The following TMEM39A variants were observed in gnomAD, a reference collection of about 807,000 sequenced individuals.
The protein encoded by TMEM39A is transmembrane protein 39A.
In TMEM39A, 19 loss-of-function variants were observed where a neutral mutation model predicts 51.9. The ratio of observed to expected loss-of-function variants is 0.37; its 90% confidence interval spans 0.26 to 0.54. TMEM39A has a LOEUF of 0.54. Ranked by LOEUF, TMEM39A falls within the 20% of genes least tolerant of loss-of-function variation. The pLI is 0.88. For missense variants in TMEM39A, 433 were observed against 590.5 expected, an observed-to-expected ratio of 0.73 and a Z score of 2.76; for synonymous variants, 197 against 220.2, an observed-to-expected ratio of 0.89 and a Z score of 0.93.
intron 3 of TMEM39A, among the ~76,000 whole-genome samples, chr3:119,454,548 T>G (rs906501433): frequency 6.6e-6 from 1 of 152,182 alleles, no homozygotes; most frequent in African/African-American, 2.4e-5. Flanking sequence ...TCCCAGTAAT[T>G]TGGGAGGCCA....
intron 5 of TMEM39A, among the ~76,000 whole-genome samples, chr3:119,443,001 TG>T (rs2081075399): frequency 6.9e-6 from 1 of 145,638 alleles, no homozygotes; most frequent in South Asian, 2.1e-4. Flanking sequence ...AGGAGACAGA[TG>T]TTGCAGTGAG....
At chr3:119,436,555 C>A in intron 7 of TMEM39A, 2 of 387,548 alleles carry the variant, frequency 5.2e-6, no homozygotes, top group Non-Finnish European at 4.7e-6. Context: ...AGACAAATTA[C>A]ACACACTAGA....
intron 3 of TMEM39A, among the ~76,000 whole-genome samples, chr3:119,456,833 T>C (rs1045129924): frequency 1.3e-5 from 2 of 152,214 alleles, no homozygotes; most frequent in Admixed American, 1.3e-4. Context: ...CTCAAATTCC[T>C]GGGCTCAAGC....
intron 7 of TMEM39A, chr3:119,435,432 C>CAA: frequency 1.0e-6 from 1 of 983,420 alleles, no homozygotes; most frequent in Non-Finnish European, 1.2e-6. Flanking sequence ...ATACATCTCA[C>CAA]ACACACACAC....
At chr3:119,462,393 T>C (rs2081350042) in intron 1 of TMEM39A, among the ~76,000 whole-genome samples, 1 of 152,186 alleles carries the variant, frequency 6.6e-6, no homozygotes, top group South Asian at 2.1e-4. Context: ...TGTCAACTGA[T>C]TTGTATCATC....
chr3:119,435,999 G>C (rs2080963426), intron 7 of TMEM39A: 10 of 1,197,586 alleles, frequency 8.4e-6, no homozygotes, highest in Non-Finnish European at 1.1e-5. Flanking sequence ...GAAAGGGAAG[G>C]TCACCTCAAT....
chr3:119,429,867 CAG>C lies in TMEM39A; in HGVS notation c.*2112_*2113del. On this transcript the variant is annotated 3_prime_UTR_variant, in exon 9 of 9. Transcript: ENST00000319172. ...CTATTCCCTTAGGATAGGACCAAGA[CAG>C]ATCAAGCCAGAAGGGGCATCATATT... The C allele has an allele frequency of 6.6e-6, 1 of 152,240 alleles. No homozygotes were observed. The highest frequency in any genetic ancestry group is 2.1e-4 in the South Asian group (1 of 4,828). 9.4% of individuals were successfully genotyped at this position (152,240 alleles called of 1,614,324 possible). A position where few individuals can be genotyped will look rare whatever the true frequency, so the allele number is the denominator to read the frequency against.
intron 8 of TMEM39A, among the ~76,000 whole-genome samples, chr3:119,434,436 A>G (rs531023035): frequency 6.6e-6 from 1 of 152,310 alleles, no homozygotes; most frequent in Admixed American, 6.5e-5. Flanking sequence ...CCACTAAACC[A>G]AACTCTTACA....
In TMEM39A at chr3:119,435,018, T is replaced by A. The variant is rs140770947; in HGVS notation, c.1113-136A>T. 784 of 1,406,638 alleles carry A rather than the reference T, an allele frequency of 5.6e-4. 1 individual carries two copies. In the African/African-American group the frequency reaches 8.1e-3, roughly 14 times the overall value. The allele number at this position is 1,406,638 out of a possible 1,614,324, so 87.1% of individuals were successfully genotyped here. ...TGCCTGAATTCTGAAAATACAGTAA[T>A]TCCATGGTCAAACTGGAGTAGTTTT... On this transcript the variant is annotated intron_variant, in intron 7 of 8. Transcript: ENST00000319172.
intron 5 of TMEM39A, among the ~76,000 whole-genome samples, chr3:119,440,178 A>C (rs1657574689): frequency 6.6e-6 from 1 of 152,102 alleles, no homozygotes; most frequent in Non-Finnish European, 1.5e-5. Flanking sequence ...GTAGGTGTAG[A>C]GGTGGGGATA....
chr3:119,459,136 G>A (rs2081304256), intron 2 of TMEM39A, among the ~76,000 whole-genome samples: 1 of 152,154 alleles, frequency 6.6e-6, no homozygotes, highest in Admixed American at 6.5e-5. Flanking sequence ...GCTACTCTTA[G>A]GAAGGCCTGC....
intron 7 of TMEM39A, among the ~76,000 whole-genome samples, chr3:119,436,279 A>G (rs1396450273): frequency 6.6e-6 from 1 of 152,198 alleles, no homozygotes; most frequent in Non-Finnish European, 1.5e-5. Flanking sequence ...GCAGGGAAAT[A>G]TTCAGTAGAG....
intron 6 of TMEM39A, among the ~76,000 whole-genome samples, chr3:119,437,523 T>TAAAAAAAA (rs543556839): frequency 5.2e-5 from 5 of 96,588 alleles, no homozygotes; most frequent in Non-Finnish European, 9.0e-5. Flanking sequence ...TAAAAATACT[T>TAAAAAAAA]AAAAAAAAAA....
chr3:119,456,539 A>C (rs778322636), intron 3 of TMEM39A, among the ~76,000 whole-genome samples: 12 of 152,196 alleles, frequency 7.9e-5, no homozygotes. Flanking sequence ...TCTAATCTTT[A>C]TTAGTCCCAA....
At position 119,437,805 on chromosome 3, in the gene TMEM39A, A is replaced by T; in HGVS notation, c.874T>A (p.Ser292Thr). ...NHRIKEVLFN[S>T]LFSAYYVAFL... ...GCAACATAGTAGGCACTGAAGAGGG[A>T]GTTGAAGAGAACCTCCTTGATTCTG... The change falls in exon 6 of 9, where the codon TCC becomes ACC. Residue 292 changes from serine (S) to threonine (T), a missense_variant. Ser to Thr is a moderately conservative substitution (Grantham distance 58). Transcript: ENST00000319172. 1 of 1,595,256 alleles carries T rather than the reference A, an allele frequency of 6.3e-7. No individual in the cohort carries two copies. The highest frequency in any genetic ancestry group is 8.6e-7 in the Non-Finnish European group (1 of 1,165,768).
intron 5 of TMEM39A, among the ~76,000 whole-genome samples, chr3:119,443,383 C>G (rs1245455188): frequency 6.6e-6 from 1 of 152,258 alleles, no homozygotes; most frequent in East Asian, 1.9e-4. Flanking sequence ...GAAGTGTCAA[C>G]TGATGTGGCC....
chr3:119,443,235 A>C (rs1420116187), intron 5 of TMEM39A, among the ~76,000 whole-genome samples: 1 of 152,202 alleles, frequency 6.6e-6, no homozygotes, highest in East Asian at 1.9e-4. Flanking sequence ...CAAAGAGTTT[A>C]GAATATTATA....
chr3:119,445,195 C>A (rs2081107618), intron 5 of TMEM39A, among the ~76,000 whole-genome samples: 1 of 152,148 alleles, frequency 6.6e-6, no homozygotes, highest in South Asian at 2.1e-4. Flanking sequence ...TTAAGTCACA[C>A]AGGTATGTCC....
chr3:119,435,819 T>C, intron 7 of TMEM39A: 3 of 1,286,346 alleles, frequency 2.3e-6, no homozygotes, highest in Non-Finnish European at 3.0e-6. Flanking sequence ...TGTACAGTAC[T>C]AGTACTGTGG....
Sources: gnomAD v4.1 joint callset for allele counts (sites outside exome capture counted in the v4.1 genomes callset) on GRCh38, gnomAD v4.1.1 for gene constraint, MANE v1.5 for transcripts, NCBI Gene and HGNC (gene_info 2026-07-23, HGNC 2026-07-21) for gene names.